Variants in CDH12 observed in about 807,000 individuals in gnomAD.
The protein encoded by CDH12 is cadherin 12, also known as cadherin-12.
In CDH12, 41 loss-of-function variants were observed where a neutral mutation model predicts 74.1. The ratio of observed to expected loss-of-function variants is 0.55; its 90% confidence interval spans 0.43 to 0.72. CDH12 has a LOEUF of 0.72. Among genes scored for constraint, CDH12 ranks in the 30% least tolerant of loss-of-function variants. CDH12 has a pLI of 0.00. For synonymous variants in CDH12, 399 were observed against 355.0 expected, an observed-to-expected ratio of 1.12 and a Z score of -1.39; for missense variants, 945 against 977.2, an observed-to-expected ratio of 0.97 and a Z score of 0.44.
chr5:22,464,586 A>G (rs76035120), intron 2 of CDH12, among the ~76,000 whole-genome samples: 1,868 of 152,244 alleles, frequency 0.012, 45 homozygotes, highest in African/African-American at 0.043. Flanking sequence ...TCATCCCATC[A>G]CTACAAACTC....
chr5:22,424,901 GAC>G (rs1400721549), intron 2 of CDH12, among the ~76,000 whole-genome samples: 1 of 151,462 alleles, frequency 6.6e-6, no homozygotes, highest in Non-Finnish European at 1.5e-5. Flanking sequence ...AATCAGATAT[GAC>G]ATAAAAATGA....
Position 22,801,668 on chromosome 5 carries a change from TATATATATATATATATAC to T in CDH12, c.-523+51372_-523+51389del, listed in dbSNP as rs1483270429. On this transcript the variant is annotated intron_variant, in intron 1 of 14. Transcript: ENST00000382254. Reference sequence around the variant, plus strand: ...ATATATATATATATATATATATATATATATATATATATATATACACTTTGTTTAATAGGGAGAACACAT... The same window carrying T: ...ATATATATATATATATATATATATATACTTTGTTTAATAGGGAGAACACAT... 3.1e-3 allele frequency among the ~76,000 whole-genome samples: 377 copies of T among 121,906 alleles called. 5 individuals carry two copies. The highest frequency in any genetic ancestry group is 9.9e-3 in the African/African-American group (245 of 24,782). The allele number at this position is 121,906 out of a possible 152,430, so 80.0% of individuals were successfully genotyped here. A position where few individuals can be genotyped will look rare whatever the true frequency, so the allele number is the denominator to read the frequency against.
intron 3 of CDH12, among the ~76,000 whole-genome samples, chr5:22,347,846 G>A (rs78265612): frequency 0.011 from 1,738 of 152,198 alleles, 13 homozygotes; most frequent in Non-Finnish European, 0.015. Context: ...AGTCTGCAGT[G>A]GAATCAGAAT....
rs185992564 is a variant in CDH12, at chr5:22,717,355, T to C, written c.-523+135703A>G. 2.8e-4 allele frequency among the ~76,000 whole-genome samples: 43 copies of C among 152,324 alleles called. No individual in the cohort carries two copies. The East Asian group carries it at 5.0e-3, about 18-fold the overall frequency. On this transcript the variant is annotated intron_variant, in intron 1 of 14. Transcript: ENST00000382254. ...TGCAGTATTTAGCACAGTAAAATCC[T>C]GCATAGATCAGTAACGTAGGAGCAA...
chr5:22,664,942 G>T (rs1040803948), intron 1 of CDH12, among the ~76,000 whole-genome samples: 2 of 152,226 alleles, frequency 1.3e-5, no homozygotes, highest in Non-Finnish European at 2.9e-5. Context: ...AATAGTTTTA[G>T]GTTTTGTTTG....
At chr5:22,348,371 C>T (rs544049634) in intron 3 of CDH12, among the ~76,000 whole-genome samples, 1 of 152,116 alleles carries the variant, frequency 6.6e-6, no homozygotes, top group Admixed American at 6.5e-5. Context: ...TTTTGAATGT[C>T]GGAATTTGTT....
chr5:21,954,472 C>A (rs189763181), intron 6 of CDH12, among the ~76,000 whole-genome samples: 2 of 152,132 alleles, frequency 1.3e-5, no homozygotes, highest in East Asian at 3.9e-4. Flanking sequence ...GTTATCCCAT[C>A]CTGACTTTAT....
At chr5:22,610,230 G>A (rs2126825054) in intron 1 of CDH12, among the ~76,000 whole-genome samples, 1 of 152,270 alleles carries the variant, frequency 6.6e-6, no homozygotes, top group African/African-American at 2.4e-5. Flanking sequence ...CTACAAGATG[G>A]AAGGAGACTA....
intron 1 of CDH12, among the ~76,000 whole-genome samples, chr5:22,535,182 G>T (rs563466056): frequency 1.4e-5 from 2 of 140,548 alleles, no homozygotes; most frequent in Admixed American, 1.4e-4. Context: ...TTTGAGACGG[G>T]GTCTTGCTGT....
At chr5:22,552,263 G>T (rs919356566) in intron 1 of CDH12, among the ~76,000 whole-genome samples, 1 of 151,860 alleles carries the variant, frequency 6.6e-6, no homozygotes, top group Admixed American at 6.6e-5. Flanking sequence ...ATCTCTTGTT[G>T]TTGCTTTTTT....
rs1397311759 is a variant in CDH12, at chr5:22,130,181, A to G, written c.-186-51319T>C. On this transcript the variant is annotated intron_variant, in intron 4 of 14. Coordinates refer to ENST00000382254, the MANE Select transcript of CDH12 (RefSeq NM_004061.5). ...ATATTTGAAGAGACCATGGGAAAAA[A>G]GGAAAAAGGGAGGAGTTTAAAGAGT... 4.0e-5 allele frequency among the ~76,000 whole-genome samples: 6 copies of G among 150,830 alleles called. No individual in the cohort carries two copies. The East Asian group carries it at 1.2e-3, about 29-fold the overall frequency.
intron 3 of CDH12, among the ~76,000 whole-genome samples, chr5:22,249,514 A>G (rs1214261568): frequency 6.6e-6 from 1 of 152,238 alleles, no homozygotes; most frequent in Non-Finnish European, 1.5e-5. Flanking sequence ...ACATTTTGAC[A>G]CATCAAAGAG....
At chr5:22,585,082 A>C (rs1168276359) in intron 1 of CDH12, among the ~76,000 whole-genome samples, 3 of 152,196 alleles carry the variant, frequency 2.0e-5, no homozygotes, top group Non-Finnish European at 4.4e-5. Context: ...ACTTGCCTAA[A>C]TTATTTTCAA....
rs72739933 is a variant in CDH12 at position 21,753,886 on chromosome 5, C to A, written c.1886-1650G>T. On this transcript the variant is annotated intron_variant, in intron 14 of 14. Coordinates refer to ENST00000382254, the MANE Select transcript of CDH12 (RefSeq NM_004061.5). Reference sequence around the variant, plus strand: ...AGGTTGATACTGTCAACTCAAATAACAAACAGAAAGAGTTTCTCTGAAATA... The same window carrying A: ...AGGTTGATACTGTCAACTCAAATAAAAAACAGAAAGAGTTTCTCTGAAATA... 8.5e-3 allele frequency among the ~76,000 whole-genome samples: 1,292 copies of A among 151,910 alleles called. 6 individuals carry two copies. Among genetic ancestry groups the A allele is most frequent in the Admixed American group, 0.013 (192 of 15,258 alleles).
chr5:21,984,666 C>A (rs945498945), intron 5 of CDH12, among the ~76,000 whole-genome samples: 2 of 152,300 alleles, frequency 1.3e-5, no homozygotes, highest in South Asian at 4.1e-4. Flanking sequence ...TTATAAATTA[C>A]TGATGCTTTC....
chr5:21,752,830 A>G (rs569950250), intron 14 of CDH12, among the ~76,000 whole-genome samples: 1 of 152,228 alleles, frequency 6.6e-6, no homozygotes, highest in South Asian at 2.1e-4. Context: ...GGAGGAAGGA[A>G]GGAAGGAAGA....
intron 11 of CDH12, among the ~76,000 whole-genome samples, chr5:21,767,034 C>CTATTTT (rs1344917501): frequency 1.3e-5 from 2 of 151,802 alleles, no homozygotes; most frequent in East Asian, 3.9e-4. Context: ...AAATAAACCA[C>CTATTTT]TTTGACAATT....
At chr5:22,730,334 A>G (rs1744369596) in intron 1 of CDH12, among the ~76,000 whole-genome samples, 1 of 151,800 alleles carries the variant, frequency 6.6e-6, no homozygotes, top group Non-Finnish European at 1.5e-5. Flanking sequence ...GTCCAAAACA[A>G]ATTGTTTTGC....
At chr5:22,156,498 T>C (rs972723388) in intron 4 of CDH12, among the ~76,000 whole-genome samples, 6 of 152,112 alleles carry the variant, frequency 3.9e-5, no homozygotes, top group Non-Finnish European at 8.8e-5. Flanking sequence ...AAATCGTATA[T>C]ACATATACTT....
Sources: gnomAD v4.1 joint callset for allele counts (sites outside exome capture counted in the v4.1 genomes callset) on GRCh38, gnomAD v4.1.1 for gene constraint, MANE v1.5 for transcripts, NCBI Gene and HGNC (gene_info 2026-07-23, HGNC 2026-07-21) for gene names.